C2orf49: variants seen among roughly 807,000 people sequenced by gnomAD.
C2orf49 encodes the protein tRNA-splicing ligase complex subunit ASW.
In C2orf49, 11 loss-of-function variants were observed where a neutral mutation model predicts 20.6. That is an observed-to-expected ratio of 0.53 (90% CI 0.34 to 0.88). The LOEUF (loss-of-function observed/expected upper bound fraction) is 0.88. Ranked by LOEUF, C2orf49 falls within the 40% of genes least tolerant of loss-of-function variation. The pLI, the probability that C2orf49 is intolerant of heterozygous loss-of-function variation, is 0.02. For synonymous variants in C2orf49, 134 were observed against 108.5 expected, an observed-to-expected ratio of 1.24 and a Z score of -1.46; for missense variants, 289 against 274.2, an observed-to-expected ratio of 1.05 and a Z score of -0.38.
At chr2:105,385,468 C>A in the C2orf49 span, among the ~76,000 whole-genome samples, 1 of 152,298 alleles carries the variant, frequency 6.6e-6, no homozygotes, top group African/African-American at 2.4e-5. Flanking sequence ...GAGCACAAAG[C>A]AACGAGAGCA....
At chr2:105,352,408 TTTC>T (rs1679955078), downstream of C2orf49, among the ~76,000 whole-genome samples, 3 of 150,836 alleles carry the variant, frequency 2.0e-5, no homozygotes, top group South Asian at 6.3e-4. Flanking sequence ...GCAAGGGCCT[TTTC>T]TTCTTTTGTT....
the C2orf49 span, among the ~76,000 whole-genome samples, chr2:105,369,421 T>A: frequency 1.3e-5 from 2 of 152,216 alleles, no homozygotes; most frequent in Non-Finnish European, 2.9e-5. Flanking sequence ...ATCACGATTG[T>A]TATTTAGGAT....
chr2:105,341,505 C>A (rs1679669042), intron 2 of C2orf49, among the ~76,000 whole-genome samples: 1 of 152,196 alleles, frequency 6.6e-6, no homozygotes, highest in Admixed American at 6.5e-5. Context: ...GCAACATAGC[C>A]CTGTGCTTCT....
At chr2:105,371,820 G>T in the C2orf49 span, among the ~76,000 whole-genome samples, 4 of 152,106 alleles carry the variant, frequency 2.6e-5, no homozygotes. Context: ...AATTAATGTC[G>T]TGGTTCTTAT....
the C2orf49 span, among the ~76,000 whole-genome samples, chr2:105,356,222 C>G: frequency 6.6e-6 from 1 of 152,096 alleles, no homozygotes; most frequent in Non-Finnish European, 1.5e-5. Flanking sequence ...GAAACCCTGT[C>G]TCTACTAGAA....
downstream of C2orf49, among the ~76,000 whole-genome samples, chr2:105,351,518 T>C (rs200265734): frequency 2.0e-4 from 30 of 152,066 alleles, no homozygotes; most frequent in African/African-American, 7.0e-4. Context: ...TGGATACTTA[T>C]TTTATATTTT....
the C2orf49 span, chr2:105,376,426 G>T: frequency 1.3e-5 from 2 of 152,316 alleles, no homozygotes; most frequent in South Asian, 2.1e-4. Flanking sequence ...CTAAATGAAT[G>T]TGGCTCAGTA....
downstream of C2orf49, among the ~76,000 whole-genome samples, chr2:105,351,648 G>A (rs1679939787): frequency 1.3e-5 from 2 of 151,796 alleles, no homozygotes; most frequent in East Asian, 1.9e-4. Context: ...TCCCATGATT[G>A]TGTTTTCTTT....
In C2orf49 at chr2:105,345,458, A is replaced by G. The variant is rs1473039600; in HGVS notation, c.*87A>G. 1 of 1,070,580 alleles carries G rather than the reference A, an allele frequency of 9.3e-7. No homozygotes were observed. Among genetic ancestry groups the G allele is most frequent in the Admixed American group, 2.4e-5 (1 of 42,084 alleles). The allele number at this position is 1,070,580 out of a possible 1,614,324, so 66.3% of individuals were successfully genotyped here. A position where few individuals can be genotyped will look rare whatever the true frequency, so the allele number is the denominator to read the frequency against. ...ATTGACAATATTTACAGAAATCCTG[A>G]TTATTGTGGAATTTTCTTAAGAGGT... On this transcript the variant is annotated 3_prime_UTR_variant, in exon 4 of 4. Coordinates refer to ENST00000258457, the MANE Select transcript of C2orf49 (RefSeq NM_024093.3).
chr2:105,381,206 C>T, the C2orf49 span, among the ~76,000 whole-genome samples: 2 of 152,118 alleles, frequency 1.3e-5, no homozygotes, highest in South Asian at 2.1e-4. Context: ...TCATGCTCAG[C>T]GTTATGAAAA....
At chr2:105,366,677 C>CT in the C2orf49 span, among the ~76,000 whole-genome samples, 1 of 152,194 alleles carries the variant, frequency 6.6e-6, no homozygotes, top group East Asian at 1.9e-4. Flanking sequence ...ATGCAGTTCC[C>CT]TTTCTTTCTT....
downstream of C2orf49, among the ~76,000 whole-genome samples, chr2:105,352,570 A>G (rs779240700): frequency 2.0e-5 from 3 of 147,422 alleles, no homozygotes; most frequent in Non-Finnish European, 4.5e-5. Flanking sequence ...TCAGCCTCCC[A>G]AGTAGCTGGG....
At chr2:105,370,374 C>CAA in the C2orf49 span, among the ~76,000 whole-genome samples, 27 of 139,992 alleles carry the variant, frequency 1.9e-4, no homozygotes, top group East Asian at 4.1e-4. Context: ...GATCCTGGCT[C>CAA]AAAAAAAAAA....
chr2:105,363,215 A>G, the C2orf49 span: 1 of 1,496,874 alleles, frequency 6.7e-7, no homozygotes, highest in Non-Finnish European at 9.2e-7. Context: ...AGACAGGGTC[A>G]CAGGCTAAAA....
the C2orf49 span, chr2:105,367,682 T>C: frequency 1.2e-6 from 2 of 1,614,220 alleles, no homozygotes; most frequent in East Asian, 2.2e-5. Flanking sequence ...CTGGCAGCGG[T>C]GGCAGATGAA....
the C2orf49 span, chr2:105,363,056 C>T: frequency 1.9e-6 from 1 of 515,658 alleles, no homozygotes; most frequent in Non-Finnish European, 3.5e-6. Flanking sequence ...AACTGGAGCA[C>T]TGGCCATATG....
chr2:105,381,944 T>G, the C2orf49 span, among the ~76,000 whole-genome samples: 1 of 151,452 alleles, frequency 6.6e-6, no homozygotes, highest in Non-Finnish European at 1.5e-5. Context: ...GAAGGGTGGG[T>G]TTTTCAAACC....
chr2:105,363,807 A>G, the C2orf49 span, among the ~76,000 whole-genome samples: 1 of 152,170 alleles, frequency 6.6e-6, no homozygotes, highest in Non-Finnish European at 1.5e-5. Context: ...GTCGGGATTC[A>G]ATACAGCATC....
downstream of C2orf49, among the ~76,000 whole-genome samples, chr2:105,350,201 T>G (rs1041733293): frequency 1.3e-5 from 2 of 152,178 alleles, no homozygotes; most frequent in Non-Finnish European, 2.9e-5. Flanking sequence ...GGGAGTTGTA[T>G]AAAGCCACTA....
Sources: allele counts gnomAD v4.1 joint callset (sites outside exome capture counted in the v4.1 genomes callset), GRCh38; gene constraint gnomAD v4.1.1; transcripts MANE v1.5; gene names NCBI Gene and HGNC (gene_info 2026-07-23, HGNC 2026-07-21).